The following PDE7A variants were observed in gnomAD, a reference collection of about 807,000 sequenced individuals.
PDE7A encodes high affinity 3',5'-cyclic-AMP phosphodiesterase 7A.
A neutral mutation model predicts 64.3 loss-of-function variants in PDE7A; 39 were observed. That is an observed-to-expected ratio of 0.61 (90% CI 0.47 to 0.79). The LOEUF (loss-of-function observed/expected upper bound fraction) is 0.79. PDE7A is among the 30% of genes least tolerant of loss of function. The pLI, the probability that PDE7A is intolerant of heterozygous loss-of-function variation, is 0.00. For synonymous variants in PDE7A, 203 were observed against 206.8 expected, an observed-to-expected ratio of 0.98 and a Z score of 0.16; for missense variants, 470 against 582.8, an observed-to-expected ratio of 0.81 and a Z score of 1.99.
At chr8:65,791,303 C>T (rs1463741875) in intron 1 of PDE7A, among the ~76,000 whole-genome samples, 3 of 152,326 alleles carry the variant, frequency 2.0e-5, no homozygotes, top group East Asian at 3.9e-4. Flanking sequence ...ATGGGCAAAT[C>T]ACCACTTCTC....
intron 1 of PDE7A, among the ~76,000 whole-genome samples, chr8:65,817,330 A>G (rs1044542299): frequency 3.3e-5 from 5 of 152,364 alleles, no homozygotes; most frequent in Middle Eastern, 3.4e-3. Context: ...ACAAATACAC[A>G]AACATGTCTA....
At chr8:65,819,272 C>G (rs1458901480) in intron 1 of PDE7A, among the ~76,000 whole-genome samples, 1 of 152,204 alleles carries the variant, frequency 6.6e-6, no homozygotes, top group Non-Finnish European at 1.5e-5. Flanking sequence ...GTGGCACATG[C>G]CTGTGATCCC....
chr8:65,747,886 A>G (rs1407791791), intron 3 of PDE7A, 83 bp from the exon 4 acceptor site: 5 of 711,590 alleles, frequency 7.0e-6, no homozygotes, highest in Non-Finnish European at 4.4e-6. Context: ...TTAGTTATGT[A>G]CAAGTATTTT....
At chr8:65,800,639 T>C (rs1809964171) in intron 1 of PDE7A, among the ~76,000 whole-genome samples, 1 of 152,086 alleles carries the variant, frequency 6.6e-6, no homozygotes. Context: ...GCCAGGTGAG[T>C]AGGCCCTAGT....
chr8:65,800,316 T>G (rs945516164), intron 1 of PDE7A, among the ~76,000 whole-genome samples: 1 of 152,174 alleles, frequency 6.6e-6, no homozygotes, highest in African/African-American at 2.4e-5. Flanking sequence ...ACCCTAAATT[T>G]TTAAACAAAG....
In PDE7A at chr8:65,825,259, C is replaced by CA. The variant is rs1475441123; in HGVS notation, c.138+16111dup. ...TAACAAGCATACATTAACTTTAGTC[C>CA]AAAAAAAATTCAGGTTACTTTTTAA... On this transcript the variant is annotated intron_variant, in intron 1 of 12. Coordinates refer to ENST00000401827, the MANE Select transcript of PDE7A (RefSeq NM_001242318.3). Among the ~76,000 whole-genome samples the CA allele has an allele frequency of 2.6e-5, 4 of 151,420 alleles. No individual in the cohort carries two copies. In the East Asian group the frequency reaches 5.8e-4, roughly 22 times the overall value.
At chr8:65,830,239 C>CT (rs140553399) in intron 1 of PDE7A, among the ~76,000 whole-genome samples, 36 of 149,170 alleles carry the variant, frequency 2.4e-4, no homozygotes, top group South Asian at 8.6e-4. Context: ...CTTTTTCTTT[C>CT]TTTTTTTTTT....
At chr8:65,815,628 A>G (rs565446225) in intron 1 of PDE7A, among the ~76,000 whole-genome samples, 2 of 123,450 alleles carry the variant, frequency 1.6e-5, no homozygotes, top group East Asian at 3.9e-4. Flanking sequence ...TAGTCAGATG[A>G]TTCTCAAAGT....
intron 1 of PDE7A, among the ~76,000 whole-genome samples, chr8:65,797,027 T>A (rs1439816503): frequency 6.6e-6 from 1 of 152,194 alleles, no homozygotes; most frequent in East Asian, 1.9e-4. Flanking sequence ...TGTATTTCTA[T>A]ATATTAGTAA....
intron 9 of PDE7A, among the ~76,000 whole-genome samples, chr8:65,726,087 C>T (rs1806596488): frequency 1.3e-5 from 2 of 152,258 alleles, no homozygotes; most frequent in South Asian, 4.1e-4. Flanking sequence ...AACCAGAGAA[C>T]AGCAAGTGGA....
chr8:65,801,946 A>T lies in PDE7A; in HGVS notation c.139-19103T>A, dbSNP rs190654115. Among the ~76,000 whole-genome samples the T allele has an allele frequency of 2.6e-5, 4 of 152,346 alleles. 1 individual carries two copies. Among genetic ancestry groups the T allele is most frequent in the Admixed American group, 6.5e-5 (1 of 15,300 alleles). On this transcript the variant is annotated intron_variant, in intron 1 of 12. Transcript: ENST00000401827. ...TCTGTATTTAGCATATGTAATTATA[A>T]CACTTTGTTTAAAATAGAAGAGACA...
intron 7 of PDE7A, 179 bp from the exon 8 acceptor site, chr8:65,727,480 C>T (rs1037952360): frequency 1.4e-6 from 1 of 726,066 alleles, no homozygotes; most frequent in Non-Finnish European, 2.1e-6. Flanking sequence ...CTGATCTCAT[C>T]ACCACACTGG....
intron 3 of PDE7A, among the ~76,000 whole-genome samples, chr8:65,766,463 G>C (rs112166988): frequency 1.3e-5 from 2 of 152,180 alleles, no homozygotes; most frequent in South Asian, 2.1e-4. Flanking sequence ...TTATGGAGTT[G>C]AATGAAAGCA....
In PDE7A at chr8:65,717,344, TTTTC is replaced by T. The variant is rs869237233; in HGVS notation, c.*1942_*1945del. On this transcript the variant is annotated 3_prime_UTR_variant, in exon 13 of 13. Transcript: ENST00000401827. ...ATCAATCAAGTAGAGTGGAGTGGCCTTTTCTTATCACTTTAAAAAGGCCAATGAT... is the reference window on the plus strand; with the variant it reads ...ATCAATCAAGTAGAGTGGAGTGGCCTTTATCACTTTAAAAAGGCCAATGAT... Among the ~76,000 whole-genome samples, 1 of 152,254 alleles carries T rather than the reference TTTTC, an allele frequency of 6.6e-6. No homozygotes were observed. The highest frequency in any genetic ancestry group is 1.5e-5 in the Non-Finnish European group (1 of 68,042).
chr8:65,736,757 G>A (rs1807148097), intron 6 of PDE7A, among the ~76,000 whole-genome samples: 1 of 146,982 alleles, frequency 6.8e-6, no homozygotes, highest in Non-Finnish European at 1.5e-5. Flanking sequence ...AAAAGAAAAA[G>A]CTTCTCAAAA....
chr8:65,767,138 C>A lies in PDE7A; in HGVS notation c.283+12582G>T, dbSNP rs199522285. Among the ~76,000 whole-genome samples the A allele has an allele frequency of 5.9e-5, 9 of 152,292 alleles. No homozygotes were observed. In the East Asian group the frequency reaches 1.7e-3, roughly 29 times the overall value. On this transcript the variant is annotated intron_variant, in intron 3 of 12. Transcript: ENST00000401827. ...ATTAGATCCTTTATTTGTGGCTAAT[C>A]TTGTAGCCCTCAACACCAACACAGG... is the stretch of plus-strand genomic sequence containing the variant.
chr8:65,743,800 G>C (rs943787959), intron 5 of PDE7A, among the ~76,000 whole-genome samples: 5 of 151,558 alleles, frequency 3.3e-5, no homozygotes, highest in African/African-American at 1.2e-4. Flanking sequence ...CTTCCTCTCA[G>C]TGTACTTTCA....
At chr8:65,786,146 G>A (rs954911969) in intron 1 of PDE7A, among the ~76,000 whole-genome samples, 1 of 152,038 alleles carries the variant, frequency 6.6e-6, no homozygotes, top group Admixed American at 6.6e-5. Flanking sequence ...TTTTAAAATA[G>A]ATACAAATTA....
intron 1 of PDE7A, among the ~76,000 whole-genome samples, chr8:65,793,615 A>G (rs1026772227): frequency 1.3e-4 from 20 of 152,208 alleles, no homozygotes; most frequent in Admixed American, 1.2e-3. Flanking sequence ...TACGGGCCAC[A>G]TAAGAATGAA....
Sources: gnomAD v4.1 joint callset for allele counts (sites outside exome capture counted in the v4.1 genomes callset) on GRCh38, gnomAD v4.1.1 for gene constraint, MANE v1.5 for transcripts, NCBI Gene and HGNC (gene_info 2026-07-23, HGNC 2026-07-21) for gene names.